Variants in CDK5RAP2 observed in about 807,000 individuals in gnomAD.
CDK5RAP2 encodes CDK5 regulatory subunit associated protein 2, also known as CDK5 regulatory subunit-associated protein 2.
CDK5RAP2 carries 147 observed loss-of-function variants against 232.9 expected under a neutral mutation model. That is an observed-to-expected ratio of 0.63 (90% CI 0.55 to 0.72). The LOEUF is 0.72. Ranked by LOEUF, CDK5RAP2 falls within the 30% of genes least tolerant of loss-of-function variation. The probability of loss-of-function intolerance (pLI) is 0.00; values close to 1 mark genes in which losing one functional copy is unlikely to be tolerated. For missense variants in CDK5RAP2, 2,195 were observed against 2,231.5 expected, an observed-to-expected ratio of 0.98 and a Z score of 0.33; for synonymous variants, 833 against 833.7, an observed-to-expected ratio of 1.00 and a Z score of 0.01.
At chr9:120,546,986 C>CG (rs748972439) in intron 4 of CDK5RAP2, among the ~76,000 whole-genome samples, 86 of 36,106 alleles carry the variant, frequency 2.4e-3, no homozygotes, top group Admixed American at 7.4e-3. Flanking sequence ...TTTGTTTTTT[C>CG]GTTTTTTTTG....
intron 15 of CDK5RAP2, among the ~76,000 whole-genome samples, chr9:120,474,198 C>T (rs1447690695): frequency 6.6e-6 from 1 of 152,168 alleles, no homozygotes; most frequent in Non-Finnish European, 1.5e-5. Context: ...CAGGGGCTAA[C>T]ACATATGAGA....
In CDK5RAP2 at chr9:120,422,663, AAGT is replaced by A; in HGVS notation, c.4004+27_4004+29del. The A allele has an allele frequency of 3.2e-6, 5 of 1,574,678 alleles. 1 individual carries two copies. The South Asian group carries it at 4.4e-5, about 14-fold the overall frequency. ...TAAATCAGACCTAGAAAGTCCTGGGAAGTCTTCTTAACAAATGTTACACACTCA... is the reference window on the plus strand; with the variant it reads ...TAAATCAGACCTAGAAAGTCCTGGGACTTCTTAACAAATGTTACACACTCA... On this transcript the variant is annotated intron_variant, in intron 26 of 37. Transcript: ENST00000349780.
chr9:120,501,189 G>C (rs1588499643), intron 12 of CDK5RAP2, among the ~76,000 whole-genome samples: 1 of 152,142 alleles, frequency 6.6e-6, no homozygotes, highest in East Asian at 1.9e-4. Context: ...CAGCAACCCT[G>C]GCTGTCTTGC....
chr9:120,563,153 T>A (rs186362601), intron 3 of CDK5RAP2, among the ~76,000 whole-genome samples: 20 of 152,140 alleles, frequency 1.3e-4, no homozygotes, highest in Admixed American at 1.2e-3. Flanking sequence ...ACATTCAAGT[T>A]GAGGCAAGAA....
chr9:120,529,444 T>C (rs1469643109), intron 8 of CDK5RAP2, among the ~76,000 whole-genome samples: 3 of 152,202 alleles, frequency 2.0e-5, no homozygotes, highest in Non-Finnish European at 4.4e-5. Flanking sequence ...TAACAATTCC[T>C]CTGAGCCTGA....
intron 20 of CDK5RAP2, among the ~76,000 whole-genome samples, chr9:120,454,435 C>G (rs569133564): frequency 2.0e-5 from 3 of 152,328 alleles, no homozygotes; most frequent in Admixed American, 2.0e-4. Context: ...AAGATGGATA[C>G]AAATCCCTTC....
intron 12 of CDK5RAP2, among the ~76,000 whole-genome samples, chr9:120,492,659 A>G (rs979320236): frequency 2.6e-5 from 4 of 152,216 alleles, no homozygotes; most frequent in Non-Finnish European, 4.4e-5. Flanking sequence ...AATAATTTGT[A>G]CATCCCTAGT....
intron 7 of CDK5RAP2, 45 bp downstream of exon 7, chr9:120,536,327 G>T (rs770991333): frequency 5.0e-6 from 8 of 1,599,580 alleles, no homozygotes; most frequent in Non-Finnish European, 6.0e-6. Flanking sequence ...TCCCCACGCT[G>T]CCAGATAATG....
At chr9:120,406,041 T>A (rs893718857) in intron 32 of CDK5RAP2, 4 of 152,258 alleles carry the variant, frequency 2.6e-5, no homozygotes, top group Non-Finnish European at 5.9e-5. Context: ...TTCATATTAT[T>A]ACATCATCTT....
chr9:120,501,285 G>C (rs1436382753), intron 12 of CDK5RAP2, among the ~76,000 whole-genome samples: 11 of 152,294 alleles, frequency 7.2e-5, no homozygotes. Context: ...CTTTCTTCAA[G>C]TGTGTGCTCA....
intron 36 of CDK5RAP2, among the ~76,000 whole-genome samples, chr9:120,390,543 G>C (rs1407006647): frequency 6.6e-6 from 1 of 152,226 alleles, no homozygotes; most frequent in African/African-American, 2.4e-5. Flanking sequence ...CTGGCTTTCA[G>C]GAGCAACTGT....
chr9:120,400,676 T>C (rs2032925119), intron 35 of CDK5RAP2, 66 bp downstream of exon 35: 2 of 1,598,482 alleles, frequency 1.3e-6, no homozygotes, highest in Non-Finnish European at 1.7e-6. Context: ...CTGCTTGGCA[T>C]GGAGGAAACT....
intron 37 of CDK5RAP2, 149 bp downstream of exon 37, chr9:120,389,592 C>A: frequency 2.6e-6 from 2 of 761,970 alleles, no homozygotes; most frequent in Non-Finnish European, 2.2e-6. Context: ...TAAAACACAA[C>A]TTTTCATGCA....
chr9:120,503,464 G>A (rs909147425), intron 12 of CDK5RAP2, among the ~76,000 whole-genome samples: 2 of 152,186 alleles, frequency 1.3e-5, no homozygotes, highest in Admixed American at 1.3e-4. Flanking sequence ...GTTTTGGGGA[G>A]GCATGGAGAT....
At chr9:120,408,976 T>A (rs988297612) in intron 30 of CDK5RAP2, 151 bp downstream of exon 30, 1 of 724,104 alleles carries the variant, frequency 1.4e-6, no homozygotes, top group East Asian at 2.7e-5. Flanking sequence ...TTTCTCCATA[T>A]GTTGTAGGCG....
chr9:120,545,860 A>G (rs2041820614), intron 4 of CDK5RAP2, 70 bp from the exon 5 acceptor site: 1 of 1,224,402 alleles, frequency 8.2e-7, no homozygotes, highest in Non-Finnish European at 1.2e-6. Context: ...AACAATGGGG[A>G]AACTGCTTCC....
intron 25 of CDK5RAP2, among the ~76,000 whole-genome samples, chr9:120,428,746 A>G (rs2035082721): frequency 6.6e-6 from 1 of 152,228 alleles, no homozygotes; most frequent in South Asian, 2.1e-4. Context: ...AATCCTCCCT[A>G]ACTCATTTTA....
At chr9:120,446,251 C>G (rs1168394474) in intron 22 of CDK5RAP2, among the ~76,000 whole-genome samples, 3 of 151,988 alleles carry the variant, frequency 2.0e-5, no homozygotes, top group Admixed American at 2.0e-4. Flanking sequence ...TGTGGTTTGT[C>G]AACTCCTACT....
intron 12 of CDK5RAP2, among the ~76,000 whole-genome samples, chr9:120,517,136 C>T (rs1333645498): frequency 6.6e-6 from 1 of 152,100 alleles, no homozygotes; most frequent in East Asian, 1.9e-4. Context: ...GACCAGGAGC[C>T]CAGGGGCATC....
Sources: allele counts gnomAD v4.1 joint callset (sites outside exome capture counted in the v4.1 genomes callset), GRCh38; gene constraint gnomAD v4.1.1; transcripts MANE v1.5; gene names NCBI Gene and HGNC (gene_info 2026-07-23, HGNC 2026-07-21).